Variants in P3H2 observed in about 807,000 individuals in gnomAD.
P3H2 encodes prolyl 3-hydroxylase 2.
P3H2 carries 80 observed loss-of-function variants against 87.0 expected under a neutral mutation model. That is an observed-to-expected ratio of 0.92 (90% confidence interval 0.77 to 1.11). The LOEUF is 1.11. P3H2 is among the 50% of genes least tolerant of loss of function. The pLI is 0.00. For missense variants in P3H2, 1,001 were observed against 923.9 expected (o/e 1.08, Z -1.08); for synonymous variants, 367 against 359.3 (o/e 1.02, Z -0.24).
chr3:190,038,589 T>G (rs1725500455), intron 1 of P3H2, among the ~76,000 whole-genome samples: 2 of 150,780 alleles, frequency 1.3e-5, no homozygotes, highest in Admixed American at 6.6e-5. Context: ...TGCCTAAAGC[T>G]CCAGGGATGA....
At chr3:190,018,816 T>C (rs1724848463) in intron 1 of P3H2, among the ~76,000 whole-genome samples, 1 of 152,244 alleles carries the variant, frequency 6.6e-6, no homozygotes, top group African/African-American at 2.4e-5. Flanking sequence ...TGTTGATGTA[T>C]TTATGTATGC....
chr3:190,031,230 A>C (rs1725241102), intron 1 of P3H2, among the ~76,000 whole-genome samples: 1 of 152,240 alleles, frequency 6.6e-6, no homozygotes, highest in Non-Finnish European at 1.5e-5. Flanking sequence ...AAGTGATGGA[A>C]GATATAACCA....
intron 1 of P3H2, among the ~76,000 whole-genome samples, chr3:190,070,712 A>G (rs564814122): frequency 1.3e-5 from 2 of 152,298 alleles, no homozygotes; most frequent in South Asian, 4.1e-4. Flanking sequence ...ATCATTCTCA[A>G]AAAAGCTATC....
At chr3:189,962,650 CT>C (rs999576268) in intron 14 of P3H2, among the ~76,000 whole-genome samples, 1 of 152,162 alleles carries the variant, frequency 6.6e-6, no homozygotes, top group African/African-American at 2.4e-5. Context: ...CCTTCTACCC[CT>C]AGGGCCTATC....
intron 1 of P3H2, among the ~76,000 whole-genome samples, chr3:190,118,924 C>T (rs1261110462): frequency 1.3e-5 from 2 of 151,540 alleles, no homozygotes; most frequent in African/African-American, 2.4e-5. Context: ...GAAACCCCTT[C>T]GCTACTAAAA....
Position 189,972,991 on chromosome 3 carries a change from C to T in P3H2, c.1582G>A (p.Ala528Thr), listed in dbSNP as rs199877373. 44 of 1,612,820 alleles carry T rather than the reference C, an allele frequency of 2.7e-5. No homozygotes were observed. In the East Asian group the frequency reaches 8.3e-4, roughly 30 times the overall value. Residue 528 changes from alanine to threonine, a missense_variant, in exon 11 of 15, where the codon GCT (alanine) becomes ACT (threonine). Transcript: ENST00000319332. ...GYEGRVPLKS[A>T]RLFYDISEKA... is the part of the protein sequence containing the mutation. ...TCGCTGATGTCATAAAACAGACGAG[C>T]GCTCTTCAGTGGGACTCGACCTTCA...
chr3:189,982,757 G>A (rs540863468), intron 8 of P3H2, among the ~76,000 whole-genome samples: 6 of 152,268 alleles, frequency 3.9e-5, no homozygotes, highest in South Asian at 4.1e-4. Flanking sequence ...CTAAGCCTCC[G>A]GTATTCTGAG....
chr3:190,067,753 A>T (rs1477339579), intron 1 of P3H2, among the ~76,000 whole-genome samples: 1 of 152,092 alleles, frequency 6.6e-6, no homozygotes, highest in African/African-American at 2.4e-5. Context: ...TCTGGGGGGG[A>T]ATATTTTCTT....
intron 1 of P3H2, among the ~76,000 whole-genome samples, chr3:190,103,612 C>T (rs80047945): frequency 0.016 from 2,440 of 152,212 alleles, 58 homozygotes; most frequent in African/African-American, 0.054. Flanking sequence ...AGTGAAAGGG[C>T]AGGCTGGTGG....
chr3:190,120,911 G>A (rs1712555738), upstream of P3H2: 2 of 982,048 alleles, frequency 2.0e-6, no homozygotes, highest in Admixed American at 3.5e-5. Flanking sequence ...GGCCGTGCCT[G>A]GCCAGCCGCT....
At chr3:189,983,419 C>G (rs970975549) in intron 7 of P3H2, 1 of 374,472 alleles carries the variant, frequency 2.7e-6, no homozygotes, top group Non-Finnish European at 4.9e-6. Context: ...ACTCTAATCT[C>G]AAGTAGGAAA....
At position 189,994,305 on chromosome 3, in the gene P3H2, AAAACAAAC is replaced by A. The variant is rs3836444; in HGVS notation, c.634-30_634-23del. ...TCTCCTGTAATGAAACAGACGGGAA[AAAACAAAC>A]AAACAAACAAACAAACAAACAAAAA... On this transcript the variant is annotated intron_variant, in intron 2 of 14. Coordinates refer to ENST00000319332, the MANE Select transcript of P3H2 (RefSeq NM_018192.4). The A allele has an allele frequency of 3.5e-5, 43 of 1,230,534 alleles. No homozygotes were observed. In the African/African-American group the frequency reaches 4.9e-4, roughly 14 times the overall value. 76.2% of individuals were successfully genotyped at this position (1,230,534 alleles called of 1,614,324 possible). A position where few individuals can be genotyped will look rare whatever the true frequency, so the allele number is the denominator to read the frequency against.
chr3:190,075,323 T>C (rs1262471434), intron 1 of P3H2, among the ~76,000 whole-genome samples: 1 of 151,792 alleles, frequency 6.6e-6, no homozygotes, highest in Non-Finnish European at 1.5e-5. Context: ...TTGTCTCTAC[T>C]AAAAATACAA....
intron 1 of P3H2, among the ~76,000 whole-genome samples, chr3:190,086,342 G>T (rs1236910333): frequency 6.6e-6 from 1 of 152,150 alleles, no homozygotes; most frequent in Non-Finnish European, 1.5e-5. Context: ...GAAAGAAACA[G>T]ATACTTACAA....
intron 1 of P3H2, among the ~76,000 whole-genome samples, chr3:190,077,714 G>T (rs2108977194): frequency 6.6e-6 from 1 of 152,314 alleles, no homozygotes; most frequent in South Asian, 2.1e-4. Context: ...TGGCTATACA[G>T]ATTAATACAG....
intron 14 of P3H2, chr3:189,963,531 G>A: frequency 5.2e-6 from 1 of 192,930 alleles, no homozygotes; most frequent in Non-Finnish European, 1.1e-5. Flanking sequence ...TGCAATTTAC[G>A]CCTCCCAGGT....
intron 1 of P3H2, among the ~76,000 whole-genome samples, chr3:190,073,270 T>C (rs1726765196): frequency 6.6e-6 from 1 of 152,232 alleles, no homozygotes; most frequent in South Asian, 2.1e-4. Flanking sequence ...TGTTATTTCC[T>C]AGATTCACAG....
intron 1 of P3H2, among the ~76,000 whole-genome samples, chr3:190,007,988 T>A (rs1483216697): frequency 4.4e-4 from 14 of 31,844 alleles, no homozygotes; most frequent in Non-Finnish European, 9.7e-4. Context: ...ATATATATAG[T>A]AAACTTCAGT....
intron 1 of P3H2, among the ~76,000 whole-genome samples, chr3:190,056,362 G>GAGGGC: frequency 6.6e-6 from 1 of 152,292 alleles, no homozygotes; most frequent in Admixed American, 6.5e-5. Flanking sequence ...CTACGGTCAT[G>GAGGGC]AGGGCAGTTA....
Sources: gnomAD v4.1 joint callset for allele counts (sites outside exome capture counted in the v4.1 genomes callset) on GRCh38, gnomAD v4.1.1 for gene constraint, MANE v1.5 for transcripts, NCBI Gene and HGNC (gene_info 2026-07-23, HGNC 2026-07-21) for gene names.